The following ABCA13 variants were observed in gnomAD, a reference collection of about 807,000 sequenced individuals.
ABCA13 encodes the protein ATP-binding cassette sub-family A member 13.
Under a neutral mutation model 478.7 loss-of-function variants are expected in ABCA13, and 476 were observed. The ratio of observed to expected loss-of-function variants is 0.99; its 90% confidence interval spans 0.92 to 1.07. The LOEUF (loss-of-function observed/expected upper bound fraction) is 1.07, where lower values mean the gene tolerates loss of function less well. Ranked by LOEUF, ABCA13 falls within the 50% of genes least tolerant of loss-of-function variation. The probability of loss-of-function intolerance (pLI) is 0.00; values close to 1 mark genes in which losing one functional copy is unlikely to be tolerated. For synonymous variants in ABCA13, 2,252 were observed against 2,158.9 expected (o/e 1.04, Z -1.20); for missense variants, 6,060 against 5,910.6 (o/e 1.03, Z -0.83).
intron 23 of ABCA13, among the ~76,000 whole-genome samples, chr7:48,305,423 C>A (rs1401909624): frequency 6.6e-6 from 1 of 152,252 alleles, no homozygotes; most frequent in Non-Finnish European, 1.5e-5. Context: ...GAGAGCCACA[C>A]TGCTCCTCTC....
intron 3 of ABCA13, among the ~76,000 whole-genome samples, chr7:48,201,185 A>T (rs1205949572): frequency 6.6e-6 from 1 of 152,256 alleles, no homozygotes; most frequent in Non-Finnish European, 1.5e-5. Flanking sequence ...TAAGAAGTAT[A>T]GCAATGGCGG....
intron 59 of ABCA13, among the ~76,000 whole-genome samples, chr7:48,635,801 G>A (rs1794585499): frequency 1.3e-5 from 2 of 152,088 alleles, no homozygotes; most frequent in South Asian, 4.1e-4. Context: ...AAATGCCACA[G>A]ACTATTACTG....
In ABCA13 at chr7:48,575,596, T is replaced by A. The variant is rs1319479567; in HGVS notation, c.14355-4628T>A. 2.0e-5 allele frequency among the ~76,000 whole-genome samples: 3 copies of A among 151,632 alleles called. 1 individual carries two copies. In the South Asian group the frequency reaches 6.3e-4, roughly 32 times the overall value. ...TGTAGATTAGAAGCCATTGACATGA[T>A]GAGTAAGAGAATGGTATACAATGTA... On this transcript the variant is annotated intron_variant, in intron 55 of 61. Transcript: ENST00000435803.
In ABCA13 at chr7:48,224,811, A is replaced by G. The variant is rs1013327216; in HGVS notation, c.469-2451A>G. On this transcript the variant is annotated intron_variant, in intron 5 of 61. Transcript: ENST00000435803. ...AGTCAGCGCCATATTTTAATATTTC[A>G]TATGTTGTTATAGTTTATAAATGGC... Among the ~76,000 whole-genome samples the G allele has an allele frequency of 5.9e-5, 9 of 152,044 alleles. No homozygotes were observed. The East Asian group carries it at 7.7e-4, about 13-fold the overall frequency.
chr7:48,628,588 C>CAGA (rs1793878654), intron 59 of ABCA13, among the ~76,000 whole-genome samples: 1 of 152,164 alleles, frequency 6.6e-6, no homozygotes, highest in Non-Finnish European at 1.5e-5. Context: ...TGTCACTGTA[C>CAGA]ATGAATCTGA....
At chr7:48,550,225 T>A (rs1463816952) in intron 55 of ABCA13, among the ~76,000 whole-genome samples, 2 of 151,844 alleles carry the variant, frequency 1.3e-5, no homozygotes, top group Admixed American at 6.6e-5. Context: ...GCGTTTCATA[T>A]ATTTTCTTCT....
At chr7:48,351,073 T>G (rs1341744928) in intron 30 of ABCA13, among the ~76,000 whole-genome samples, 1 of 152,246 alleles carries the variant, frequency 6.6e-6, no homozygotes, top group Non-Finnish European at 1.5e-5. Flanking sequence ...CTAGGACCAA[T>G]GCTATTTACT....
At chr7:48,192,894 A>G (rs1304788039) in intron 1 of ABCA13, 65 bp from the exon 2 acceptor site, 6 of 1,261,740 alleles carry the variant, frequency 4.8e-6, no homozygotes, top group Non-Finnish European at 6.5e-6. Flanking sequence ...CTCCTTCAAG[A>G]GATGAAAATA....
intron 47 of ABCA13, among the ~76,000 whole-genome samples, chr7:48,483,525 G>T (rs528789454): frequency 2.0e-5 from 3 of 152,358 alleles, no homozygotes; most frequent in African/African-American, 7.2e-5. Context: ...TCTTCCAGAA[G>T]GCTGGATAGA....
chr7:48,455,255 C>A lies in ABCA13; in HGVS notation c.12784C>A (p.His4262Asn). ...EYPPLRLTPGHYQRAETYFFS... is the reference protein window; with the variant it reads ...EYPPLRLTPGNYQRAETYFFS... ...CCCTCCCCTCAGACTCACACCTGGA[C>A]ATTACCAGCGGGCCGAGACCTACTT... is the stretch of plus-strand genomic sequence containing the variant. Residue 4262 changes from histidine to asparagine, a missense_variant, in exon 43 of 62, where the codon CAT (histidine) becomes AAT (asparagine). This residue lies in a region of ABCA13 where 1,627 missense variants were observed against 1,571.0 expected (regional missense o/e 1.04). Transcript: ENST00000435803. The A allele has an allele frequency of 6.2e-7, 1 of 1,606,766 alleles. No homozygotes were observed. Among genetic ancestry groups the A allele is most frequent in the South Asian group, 1.1e-5 (1 of 89,560 alleles).
At chr7:48,403,981 A>G (rs1452201801) in intron 39 of ABCA13, 102 bp downstream of exon 39, 4 of 1,332,130 alleles carry the variant, frequency 3.0e-6, no homozygotes, top group Non-Finnish European at 4.2e-6. Flanking sequence ...CAGTGAGGCT[A>G]CATTATCCTT....
chr7:48,343,278 G>A (rs771156812), intron 29 of ABCA13, among the ~76,000 whole-genome samples: 24 of 152,122 alleles, frequency 1.6e-4, no homozygotes, highest in Non-Finnish European at 2.8e-4. Flanking sequence ...GCAGGGCCAC[G>A]TTTTCCTAAT....
chr7:48,510,639 C>T (rs760726504), intron 50 of ABCA13, among the ~76,000 whole-genome samples: 16 of 152,144 alleles, frequency 1.1e-4, no homozygotes, highest in Non-Finnish European at 2.2e-4. Flanking sequence ...GTCCTGGAGG[C>T]TGGAAGTCTG....
intron 23 of ABCA13, among the ~76,000 whole-genome samples, chr7:48,300,536 G>T (rs1012248667): frequency 2.0e-5 from 3 of 152,234 alleles, no homozygotes; most frequent in Non-Finnish European, 4.4e-5. Flanking sequence ...GGTGAAGATG[G>T]ATGTCAGACT....
At chr7:48,482,442 C>A (rs1828869502) in intron 46 of ABCA13, among the ~76,000 whole-genome samples, 1 of 151,562 alleles carries the variant, frequency 6.6e-6, no homozygotes, top group Non-Finnish European at 1.5e-5. Flanking sequence ...AGTGCAGTGG[C>A]ACGATGTCCA....
chr7:48,515,253 C>T (rs767628519), intron 51 of ABCA13, among the ~76,000 whole-genome samples: 29 of 152,064 alleles, frequency 1.9e-4, no homozygotes, highest in Non-Finnish European at 3.5e-4. Flanking sequence ...GTTGGAGCTC[C>T]GGATATATGA....
chr7:48,634,543 T>C (rs1794470756), intron 59 of ABCA13, among the ~76,000 whole-genome samples: 1 of 152,204 alleles, frequency 6.6e-6, no homozygotes, highest in Non-Finnish European at 1.5e-5. Flanking sequence ...GTTGATTTTT[T>C]TTCATAGCCA....
intron 3 of ABCA13, among the ~76,000 whole-genome samples, chr7:48,204,486 C>T (rs1784661599): frequency 6.6e-6 from 1 of 152,170 alleles, no homozygotes; most frequent in African/African-American, 2.4e-5. Context: ...GCTGGGATTA[C>T]AGGCGTGAGC....
chr7:48,364,740 T>G lies in ABCA13; in HGVS notation c.10689-3054T>G, dbSNP rs114431493. On this transcript the variant is annotated intron_variant, in intron 31 of 61. Transcript: ENST00000435803. ...TCCGTGTTGCTTCAAATAACAGGAT[T>G]TTTTCTTTGTAATTGCTAAATAATA... Among the ~76,000 whole-genome samples, 492 of 152,276 alleles carry G rather than the reference T, an allele frequency of 3.2e-3. 4 individuals carry two copies. Among genetic ancestry groups the G allele is most frequent in the African/African-American group, 0.011 (467 of 41,544 alleles).
Sources: gnomAD v4.1 joint callset for allele counts (sites outside exome capture counted in the v4.1 genomes callset) on GRCh38, gnomAD v4.1.1 for gene constraint, gnomAD v4.1.1 regional missense constraint, MANE v1.5 for transcripts, NCBI Gene and HGNC (gene_info 2026-07-23, HGNC 2026-07-21) for gene names.